CEP78: variants seen among roughly 807,000 people sequenced by gnomAD.
CEP78 encodes the protein centrosomal protein 78, also known as centrosomal protein of 78 kDa.
CEP78 carries 76 observed loss-of-function variants against 81.2 expected under a neutral mutation model. That is an observed-to-expected ratio of 0.94 (90% CI 0.78 to 1.13). CEP78 has a LOEUF of 1.13. CEP78 is among the 50% of genes most tolerant of loss of function. The pLI is 0.00. For missense variants in CEP78, 918 were observed against 846.8 expected, an observed-to-expected ratio of 1.08 and a Z score of -1.04; for synonymous variants, 293 against 301.4, an observed-to-expected ratio of 0.97 and a Z score of 0.29.
chr9:78,262,974 G>A lies in CEP78; in HGVS notation c.1448G>A (p.Arg483Gln), dbSNP rs1827344255. The A allele has an allele frequency of 3.3e-6, 5 of 1,538,232 alleles. No individual in the cohort carries two copies. Among genetic ancestry groups the A allele is most frequent in the Non-Finnish European group, 4.4e-6 (5 of 1,140,032 alleles). Residue 483 changes from arginine (R) to glutamine (Q), a missense_variant, in exon 12 of 17, where the codon CGA (arginine) becomes CAA (glutamine). Transcript: ENST00000643273. Reference protein sequence around the residue: ...ERVIRLKVDKRVSELEHENAQ... With the variant: ...ERVIRLKVDKQVSELEHENAQ... ...GTGATAAGGCTTAAGGTTGATAAACGAGTCAGTGAGGTAAATAAAAGTTTT... is the reference window on the plus strand; with the variant it reads ...GTGATAAGGCTTAAGGTTGATAAACAAGTCAGTGAGGTAAATAAAAGTTTT...
rs1051795572 is a variant in CEP78 at position 78,236,104 on chromosome 9, T to G, written c.-247T>G. ...TGAATCCCGGCGCCTCAGAGGACTA[T>G]GAGGCGGGCGCCAACTGCTTGGGCC... On this transcript the variant is annotated 5_prime_UTR_variant, in exon 1 of 17. An upstream start codon of the reference 5' UTR is lost. Coordinates refer to ENST00000643273, the MANE Select transcript of CEP78 (RefSeq NM_001330691.3). The G allele has an allele frequency of 1.1e-5, 6 of 523,966 alleles. No individual in the cohort carries two copies. In the Admixed American group the frequency reaches 1.2e-4, roughly 10 times the overall value. 32.5% of individuals were successfully genotyped at this position (523,966 alleles called of 1,614,324 possible).
In CEP78 at chr9:78,266,646, AAAG is replaced by A. The variant is rs1563999714; in HGVS notation, c.2055_2057del (p.Glu687del). ...GACTTCTGGAACTGGAAGTCAAAGAAAAGAAGAGGAGTTGTCCAGAAATAGCAG... is the reference window on the plus strand; with the variant it reads ...GACTTCTGGAACTGGAAGTCAAAGAAAAGAGGAGTTGTCCAGAAATAGCAG... On this transcript the variant is annotated inframe_deletion, in exon 16 of 17. Coordinates refer to ENST00000643273, the MANE Select transcript of CEP78 (RefSeq NM_001330691.3). The A allele has an allele frequency of 6.8e-6, 11 of 1,612,586 alleles. No individual in the cohort carries two copies. The highest frequency in any genetic ancestry group is 9.3e-6 in the Non-Finnish European group (11 of 1,179,142).
In CEP78 at chr9:78,243,648, G is replaced by A. The variant is rs1425947090; in HGVS notation, c.778+12G>A. On this transcript the variant is annotated intron_variant, in intron 5 of 16. Coordinates refer to ENST00000643273, the MANE Select transcript of CEP78 (RefSeq NM_001330691.3). ...TTTATGGCTGAGAGGTAAGTTAAAT[G>A]AACTTGTAAGGTGGAAAATATTGAA... 1 of 1,609,066 alleles carries A rather than the reference G, an allele frequency of 6.2e-7. No individual in the cohort carries two copies. Among genetic ancestry groups the A allele is most frequent in the Non-Finnish European group, 8.5e-7 (1 of 1,177,166 alleles).
chr9:78,266,139 A>G (rs1368678414), intron 15 of CEP78, among the ~76,000 whole-genome samples: 1 of 152,098 alleles, frequency 6.6e-6, no homozygotes, highest in Admixed American at 6.5e-5. Context: ...TAAATTGGAT[A>G]CTGCTTACAT....
chr9:78,236,472 G>A lies in CEP78; in HGVS notation c.122G>A (p.Gly41Asp). The stretch of plus-strand genomic sequence containing the variant: ...GCCGTGCGCGCCTGTCTCCGGGAGG[G>A]CGTGCTGGATTTCAACGCCGACCGC... ...LPAVRACLRE[G>D]VLDFNADRLR... The change falls in exon 1 of 17, where the codon GGC becomes GAC. Residue 41 changes from glycine to aspartate, a missense_variant. By Grantham distance (94) the Gly-to-Asp change is moderately conservative. Transcript: ENST00000643273. 2 of 1,607,026 alleles carry A rather than the reference G, an allele frequency of 1.2e-6. No homozygotes were observed. Among genetic ancestry groups the A allele is most frequent in the Non-Finnish European group, 1.7e-6 (2 of 1,176,950 alleles).
chr9:78,257,950 T>A (rs1827115695), intron 11 of CEP78, among the ~76,000 whole-genome samples: 1 of 152,196 alleles, frequency 6.6e-6, no homozygotes, highest in Non-Finnish European at 1.5e-5. Flanking sequence ...TAGAAGGCGG[T>A]GTAACCTGTA....
Position 78,264,245 on chromosome 9 carries a change from A to T in CEP78, c.1554A>T (p.Glu518Asp), listed in dbSNP as rs1827408397. The change falls in exon 13 of 17, where the codon GAA (glutamate) becomes GAT (aspartate). Residue 518 changes from glutamate (E) to aspartate (D), a missense_variant. Coordinates refer to ENST00000643273, the MANE Select transcript of CEP78 (RefSeq NM_001330691.3). Reference protein sequence around the residue: ...QSLTNMILDDEGVLGSIENSF... With the variant: ...QSLTNMILDDDGVLGSIENSF... The stretch of plus-strand genomic sequence containing the variant: ...TGACAAATATGATCCTGGATGATGA[A>T]GGTGTTTTGGGCAGCATTGAGAATT... 1.2e-6 allele frequency: 2 copies of T among 1,611,508 alleles called. No homozygotes were observed. Among genetic ancestry groups the T allele is most frequent in the African/African-American group, 2.7e-5 (2 of 74,652 alleles).
chr9:78,240,246 G>GA (rs771738483), intron 2 of CEP78, 46 bp from the exon 3 acceptor site: 102 of 1,611,266 alleles, frequency 6.3e-5, no homozygotes, highest in East Asian at 2.2e-4. Context: ...GCTTTTAGAG[G>GA]AAAAAAAACC....
intron 16 of CEP78, among the ~76,000 whole-genome samples, chr9:78,268,459 G>A (rs1827616949): frequency 6.6e-6 from 1 of 152,120 alleles, no homozygotes; most frequent in Admixed American, 6.5e-5. Flanking sequence ...TAATGAGCTA[G>A]TAAAGAATGG....
intron 6 of CEP78, among the ~76,000 whole-genome samples, chr9:78,247,136 A>G (rs999083261): frequency 5.1e-4 from 78 of 152,234 alleles, no homozygotes; most frequent in African/African-American, 1.9e-3. Flanking sequence ...TTTAAGCACT[A>G]AACATACAGC....
intron 2 of CEP78, 45 bp from the exon 3 acceptor site, chr9:78,240,247 A>G (rs754612303): frequency 4.5e-5 from 73 of 1,609,976 alleles, no homozygotes; most frequent in Non-Finnish European, 5.5e-5. Context: ...CTTTTAGAGG[A>G]AAAAAAACCT....
intron 11 of CEP78, among the ~76,000 whole-genome samples, chr9:78,259,301 A>G (rs1827173111): frequency 6.6e-6 from 1 of 152,174 alleles, no homozygotes; most frequent in Non-Finnish European, 1.5e-5. Context: ...AAAGGAAATG[A>G]TCATTAGGAA....
rs771598824 is a variant in CEP78, at chr9:78,266,484, G to A, written c.1888G>A (p.Asp630Asn). The A allele has an allele frequency of 7.4e-6, 12 of 1,612,226 alleles. No individual in the cohort carries two copies. The highest frequency in any genetic ancestry group is 4.0e-5 in the African/African-American group (3 of 74,926). The change falls in exon 16 of 17, where the codon GAC becomes AAC. Residue 630 changes from aspartate to asparagine, a missense_variant. Coordinates refer to ENST00000643273, the MANE Select transcript of CEP78 (RefSeq NM_001330691.3). The part of the protein sequence containing the change: ...TGDARIPLPL[D>N]SFPVPVSTPE... ...TGATGCTAGAATTCCTTTGCCTCTCGACTCCTTTCCTGTCCCAGTTTCTAC... is the reference window on the plus strand; with the variant it reads ...TGATGCTAGAATTCCTTTGCCTCTCAACTCCTTTCCTGTCCCAGTTTCTAC...
At position 78,265,380 on chromosome 9, in the gene CEP78, A is replaced by G; in HGVS notation, c.1634A>G (p.Gln545Arg). 1 of 1,599,046 alleles carries G rather than the reference A, an allele frequency of 6.3e-7. No homozygotes were observed. Among genetic ancestry groups the G allele is most frequent in the Non-Finnish European group, 8.5e-7 (1 of 1,174,650 alleles). ...LDLLKDAGLG[Q>R]LATMAGIDQS... is the part of the protein sequence containing the mutation. Reference sequence around the variant, plus strand: ...TTTCTTCTCTCGACCAGGCTTGGGCAGCTTGCCACAATGGCTGGGATAGAT... The same window carrying G: ...TTTCTTCTCTCGACCAGGCTTGGGCGGCTTGCCACAATGGCTGGGATAGAT... Residue 545 changes from glutamine to arginine, a missense_variant, in exon 14 of 17, where the codon CAG (glutamine) becomes CGG (arginine). Gln to Arg is a conservative substitution (Grantham distance 43). Coordinates refer to ENST00000643273, the MANE Select transcript of CEP78 (RefSeq NM_001330691.3).
At position 78,270,833 on chromosome 9, in the gene CEP78, G is replaced by A; in HGVS notation, c.2108-8G>A. 1.4e-6 allele frequency: 1 copy of A among 691,244 alleles called. No homozygotes were observed. Among genetic ancestry groups the A allele is most frequent in the South Asian group, 1.6e-5 (1 of 62,380 alleles). The allele number at this position is 691,244 out of a possible 1,614,324, so 42.8% of individuals were successfully genotyped here. On this transcript the variant is annotated splice_region_variant and splice_polypyrimidine_tract_variant and intron_variant, in intron 16 of 16. Coordinates refer to ENST00000643273, the MANE Select transcript of CEP78 (RefSeq NM_001330691.3). ...TGGATGACTGAACACATTCTTTTAT[G>A]CTTCTAGAATCCCATTGAAATGACT...
chr9:78,265,325 T>A, intron 13 of CEP78, 47 bp from the exon 14 acceptor site: 1 of 1,462,750 alleles, frequency 6.8e-7, no homozygotes, highest in East Asian at 2.3e-5. Context: ...TGTTCTTATG[T>A]GCTTCTAGTA....
rs2118558520 is a variant in CEP78 at position 78,276,269 on chromosome 9, T to A, written c.*5418T>A. 6.6e-6 allele frequency: 1 copy of A among 152,334 alleles called. No homozygotes were observed. The highest frequency in any genetic ancestry group is 2.4e-5 in the African/African-American group (1 of 41,578). 9.4% of individuals were successfully genotyped at this position (152,334 alleles called of 1,614,324 possible). On this transcript the variant is annotated 3_prime_UTR_variant, in exon 17 of 17. Coordinates refer to ENST00000643273, the MANE Select transcript of CEP78 (RefSeq NM_001330691.3). ...AAATTAACAGATTAAAGAAGTATAG[T>A]CATCTTCACAAGCTGAAAGAGTATG...
chr9:78,257,164 C>T (rs978326787), intron 11 of CEP78, among the ~76,000 whole-genome samples: 3 of 151,522 alleles, frequency 2.0e-5, no homozygotes, highest in Admixed American at 6.6e-5. Context: ...AGACAGTCTT[C>T]ACTGTAAAAT....
intron 8 of CEP78, chr9:78,250,030 A>G (rs1826679613): frequency 2.8e-6 from 1 of 354,318 alleles, no homozygotes. Flanking sequence ...AATGGCTAAG[A>G]TATAAAACAA....
Sources: allele counts gnomAD v4.1 joint callset (sites outside exome capture counted in the v4.1 genomes callset), GRCh38; gene constraint gnomAD v4.1.1; transcripts MANE v1.5; gene names NCBI Gene and HGNC (gene_info 2026-07-23, HGNC 2026-07-21).